The following NRG3 variants were observed in gnomAD, a reference collection of about 807,000 sequenced individuals.
The protein encoded by NRG3 is neuregulin 3.
In NRG3, 31 loss-of-function variants were observed where a neutral mutation model predicts 66.9. The observed-to-expected ratio is 0.46, with a 90% confidence interval of 0.35 to 0.63. The LOEUF is 0.63. Ranked by LOEUF, NRG3 falls within the 20% of genes least tolerant of loss-of-function variation. NRG3 has a pLI of 0.00. For missense variants in NRG3, 910 were observed against 878.9 expected (o/e 1.04, Z -0.45); for synonymous variants, 393 against 359.4 (o/e 1.09, Z -1.06).
chr10:82,154,623 A>T (rs534607788), intron 1 of NRG3, among the ~76,000 whole-genome samples: 1 of 151,764 alleles, frequency 6.6e-6, no homozygotes, highest in African/African-American at 2.4e-5. Context: ...TGGAATTTTG[A>T]TAGAGATTGC....
At chr10:82,390,196 C>A (rs551914908) in intron 2 of NRG3, among the ~76,000 whole-genome samples, 1 of 152,294 alleles carries the variant, frequency 6.6e-6, no homozygotes, top group East Asian at 1.9e-4. Context: ...TTCTGACTCT[C>A]AGTGATCCAT....
At chr10:82,629,000 T>A (rs2049620594) in intron 2 of NRG3, among the ~76,000 whole-genome samples, 1 of 152,202 alleles carries the variant, frequency 6.6e-6, no homozygotes, top group Non-Finnish European at 1.5e-5. Flanking sequence ...AAGGTTTTTC[T>A]GCTTAGACTT....
intron 1 of NRG3, among the ~76,000 whole-genome samples, chr10:81,890,318 ATTTAACATTTGAAACCCTAAATTAATT>A (rs1187291978): frequency 3.3e-5 from 5 of 152,208 alleles, no homozygotes; most frequent in Non-Finnish European, 7.4e-5. Context: ...TGCCGAATCC[ATTTAACATTTGAAACCCTAAATTAATT>A]TTTAAAAAAA....
chr10:82,069,119 CTG>C (rs1198826865), intron 1 of NRG3, among the ~76,000 whole-genome samples: 1 of 152,208 alleles, frequency 6.6e-6, no homozygotes, highest in African/African-American at 2.4e-5. Flanking sequence ...CCTCTTGTTA[CTG>C]TCTTCAGAAC....
At position 82,497,604 on chromosome 10, in the gene NRG3, C is replaced by T. The variant is rs536745160; in HGVS notation, c.953+138736C>T. On this transcript the variant is annotated intron_variant, in intron 2 of 8. Coordinates refer to ENST00000372141, the MANE Select transcript of NRG3 (RefSeq NM_001010848.4). Reference sequence around the variant, plus strand: ...GTGTGTGTATGTGTGTGTGTGTGTGCGCATAAAATAGAACCACACTTTCAT... The same window carrying T: ...GTGTGTGTATGTGTGTGTGTGTGTGTGCATAAAATAGAACCACACTTTCAT... 2.0e-4 allele frequency among the ~76,000 whole-genome samples: 30 copies of T among 151,796 alleles called. No homozygotes were observed. The East Asian group carries it at 5.0e-3, about 26-fold the overall frequency.
chr10:82,059,970 C>G (rs1309586874), intron 1 of NRG3, among the ~76,000 whole-genome samples: 2 of 152,160 alleles, frequency 1.3e-5, no homozygotes, highest in Non-Finnish European at 2.9e-5. Context: ...CTGCCACTTG[C>G]ACGGCCCTGG....
chr10:82,665,381 G>A (rs2052685208), intron 2 of NRG3, among the ~76,000 whole-genome samples: 1 of 152,130 alleles, frequency 6.6e-6, no homozygotes, highest in Non-Finnish European at 1.5e-5. Context: ...TTATTAAAAT[G>A]TTGGTATTAT....
At position 82,132,479 on chromosome 10, in the gene NRG3, G is replaced by T. The variant is rs1475131670; in HGVS notation, c.824-226260G>T. Among the ~76,000 whole-genome samples the T allele has an allele frequency of 9.6e-5, 6 of 62,466 alleles. No homozygotes were observed. In the South Asian group the frequency reaches 1.8e-3, roughly 19 times the overall value. 41.0% of individuals were successfully genotyped at this position (62,466 alleles called of 152,430 possible). ...TATATGATATATATGATATATATAT[G>T]ATATATATATATGATATATATATAT... On this transcript the variant is annotated intron_variant, in intron 1 of 8. Transcript: ENST00000372141.
rs1204571372 is a variant in NRG3 at position 82,348,449 on chromosome 10, A to T, written c.824-10290A>T. Among the ~76,000 whole-genome samples, 3 of 150,106 alleles carry T rather than the reference A, an allele frequency of 2.0e-5. No homozygotes were observed. In the East Asian group the frequency reaches 5.9e-4, roughly 30 times the overall value. On this transcript the variant is annotated intron_variant, in intron 1 of 8. Transcript: ENST00000372141. ...TGCTGAGAGATCCGCTGTTAGTCTG[A>T]TGGGCTTCCCTTTGAGGGTAACCTG... is the stretch of plus-strand genomic sequence containing the variant.
chr10:82,429,980 G>A (rs982601555), intron 2 of NRG3, among the ~76,000 whole-genome samples: 5 of 151,822 alleles, frequency 3.3e-5, no homozygotes, highest in African/African-American at 1.2e-4. Flanking sequence ...TACTTTTTTT[G>A]TTGTTGTTAC....
At chr10:82,200,481 T>C (rs1473583827) in intron 1 of NRG3, among the ~76,000 whole-genome samples, 1 of 152,198 alleles carries the variant, frequency 6.6e-6, no homozygotes, top group Non-Finnish European at 1.5e-5. Context: ...ATGAGGACCA[T>C]GTGATGGAAT....
intron 2 of NRG3, among the ~76,000 whole-genome samples, chr10:82,695,969 A>G (rs1425277380): frequency 6.6e-6 from 1 of 152,144 alleles, no homozygotes; most frequent in East Asian, 1.9e-4. Flanking sequence ...AAAAGGATGT[A>G]CTAAATCACC....
chr10:82,177,265 T>G (rs965016735), intron 1 of NRG3, among the ~76,000 whole-genome samples: 1 of 152,228 alleles, frequency 6.6e-6, no homozygotes, highest in East Asian at 1.9e-4. Flanking sequence ...TTTTTTAATC[T>G]AAGGAGAAAC....
intron 4 of NRG3, among the ~76,000 whole-genome samples, chr10:82,950,899 C>T (rs1849460640): frequency 6.6e-6 from 1 of 152,190 alleles, no homozygotes. Flanking sequence ...CTGAGTTCTA[C>T]TGTGCCAAAT....
At chr10:82,070,245 A>G (rs1328352809) in intron 1 of NRG3, among the ~76,000 whole-genome samples, 1 of 152,104 alleles carries the variant, frequency 6.6e-6, no homozygotes, top group South Asian at 2.1e-4. Flanking sequence ...TACTTTTTCC[A>G]CATTGAGGGG....
intron 1 of NRG3, among the ~76,000 whole-genome samples, chr10:82,078,144 A>G (rs577642296): frequency 4.6e-5 from 7 of 152,264 alleles, no homozygotes; most frequent in East Asian, 3.9e-4. Flanking sequence ...TAATTATTCT[A>G]TTTACCTACT....
chr10:82,386,118 T>A (rs916153854), intron 2 of NRG3, among the ~76,000 whole-genome samples: 2 of 152,180 alleles, frequency 1.3e-5, no homozygotes, highest in East Asian at 3.9e-4. Context: ...TTATTCCTCA[T>A]TATTCTACCC....
At chr10:82,191,101 G>C (rs2074116612) in intron 1 of NRG3, among the ~76,000 whole-genome samples, 1 of 152,082 alleles carries the variant, frequency 6.6e-6, no homozygotes, top group African/African-American at 2.4e-5. Context: ...GGATGAGCTT[G>C]TTAGAGTGGT....
intron 1 of NRG3, among the ~76,000 whole-genome samples, chr10:82,048,369 C>A (rs867979121): frequency 6.6e-6 from 1 of 151,798 alleles, no homozygotes; most frequent in African/African-American, 2.4e-5. Context: ...CCTCAGCAAA[C>A]GTAAAAGAAC....
Sources: allele counts gnomAD v4.1 joint callset (sites outside exome capture counted in the v4.1 genomes callset), GRCh38; gene constraint gnomAD v4.1.1; transcripts MANE v1.5; gene names NCBI Gene and HGNC (gene_info 2026-07-23, HGNC 2026-07-21).